The following MORC3 variants were observed in gnomAD, a reference collection of about 807,000 sequenced individuals.
MORC3 encodes the protein MORC family CW-type zinc finger 3.
In MORC3, 31 loss-of-function variants were observed where a neutral mutation model predicts 109.1. The ratio of observed to expected loss-of-function variants is 0.28; its 90% CI spans 0.21 to 0.38. MORC3 has a LOEUF of 0.38. Among genes scored for constraint, MORC3 ranks in the 10% least tolerant of loss-of-function variants. MORC3 has a pLI of 1.00. For missense variants in MORC3, 867 were observed against 1,135.8 expected (o/e 0.76, Z 3.40); for synonymous variants, 395 against 380.7 (o/e 1.04, Z -0.44).
At chr21:36,370,632 TATATA>T (rs1379182343) in intron 15 of MORC3, among the ~76,000 whole-genome samples, 29 of 21,492 alleles carry the variant, frequency 1.3e-3, no homozygotes, top group African/African-American at 4.6e-3. Context: ...TATATATATA[TATATA>T]TATTTTTTTT....
chr21:36,327,881 G>GT (rs1191653810), intron 1 of MORC3, among the ~76,000 whole-genome samples: 208 of 143,864 alleles, frequency 1.4e-3, no homozygotes, highest in Admixed American at 1.5e-3. Context: ...CTCCTTTTTT[G>GT]TTTTTTTTTT....
chr21:36,370,627 ATATATATATATATTTTTTTTTTTTTTT>A (rs2085846485), intron 15 of MORC3, among the ~76,000 whole-genome samples: 1 of 15,390 alleles, frequency 6.5e-5, no homozygotes, highest in African/African-American at 3.2e-4. Context: ...ATATATATAT[ATATATATATATATTTTTTTTTTTTTTT>A]TTTTTTTTTT....
intron 8 of MORC3, 140 bp from the exon 9 acceptor site, chr21:36,349,171 C>CAAATAA (rs536016697): frequency 4.6e-6 from 3 of 651,826 alleles, no homozygotes; most frequent in African/African-American, 3.9e-5. Flanking sequence ...AAAATAAAAA[C>CAAATAA]AAATAAAAAT....
intron 14 of MORC3, among the ~76,000 whole-genome samples, chr21:36,365,795 T>TA (rs1347716964): frequency 6.6e-6 from 1 of 152,158 alleles, no homozygotes; most frequent in Non-Finnish European, 1.5e-5. Flanking sequence ...TTAGCCAGGA[T>TA]AGTCTCGAAC....
At chr21:36,366,915 TAC>T (rs1569108476) in intron 14 of MORC3, among the ~76,000 whole-genome samples, 1 of 152,192 alleles carries the variant, frequency 6.6e-6, no homozygotes, top group African/African-American at 2.4e-5. Flanking sequence ...AAGTACTTGA[TAC>T]AGCAAACCAA....
chr21:36,372,054 C>T (rs772935335), intron 15 of MORC3, among the ~76,000 whole-genome samples: 26 of 152,076 alleles, frequency 1.7e-4, no homozygotes, highest in Non-Finnish European at 3.4e-4. Flanking sequence ...CTCAGGTGAT[C>T]TGCCCACCTC....
At chr21:36,348,848 G>T (rs1193648558) in intron 8 of MORC3, among the ~76,000 whole-genome samples, 3 of 151,576 alleles carry the variant, frequency 2.0e-5, no homozygotes. Context: ...ACCTACCAGT[G>T]TTTTTTTCAG....
rs367571164 is a variant in MORC3 at position 36,345,036 on chromosome 21, G to A, written c.1005+5G>A. On this transcript the variant is annotated splice_donor_5th_base_variant and intron_variant, in intron 8 of 16. Coordinates refer to ENST00000400485, the MANE Select transcript of MORC3 (RefSeq NM_015358.3). ...AAAGTTGGATGTCAGTTAAGGGTAA[G>A]CTTTATTTTTTATTTGAAAAGAAAA... 3.8e-6 allele frequency: 6 copies of A among 1,580,018 alleles called. No homozygotes were observed. In the African/African-American group the frequency reaches 5.5e-5, roughly 15 times the overall value.
At chr21:36,341,278 C>A (rs543252786) in intron 5 of MORC3, 121 bp from the exon 6 acceptor site, 8 of 876,450 alleles carry the variant, frequency 9.1e-6, no homozygotes, top group Admixed American at 6.5e-5. Flanking sequence ...CCCAACCCCC[C>A]ACTGACGTGC....
chr21:36,362,029 TA>T, intron 12 of MORC3, 153 bp from the exon 13 acceptor site: 1 of 817,158 alleles, frequency 1.2e-6, no homozygotes, highest in Non-Finnish European at 2.0e-6. Context: ...GCTACTGAGA[TA>T]AAAGGTAGAA....
rs866107940 is a variant in MORC3 at position 36,333,789 on chromosome 21, G to T, written c.112+71G>T. 5,295 of 935,232 alleles carry T rather than the reference G, an allele frequency of 5.7e-3. 36 individuals carry two copies. Among genetic ancestry groups the T allele is most frequent in the Admixed American group, 8.8e-3 (292 of 33,320 alleles). 57.9% of individuals were successfully genotyped at this position (935,232 alleles called of 1,614,324 possible). A position where few individuals can be genotyped will look rare whatever the true frequency, so the allele number is the denominator to read the frequency against. On this transcript the variant is annotated intron_variant, in intron 2 of 16. Coordinates refer to ENST00000400485, the MANE Select transcript of MORC3 (RefSeq NM_015358.3). Reference sequence around the variant, plus strand: ...AGTGTTTTTTTTTTTGTTTTGTTTTGTTTTTTTTTTTTAAACAGAGTCTCT... The same window carrying T: ...AGTGTTTTTTTTTTTGTTTTGTTTTTTTTTTTTTTTTTAAACAGAGTCTCT...
chr21:36,322,475 ACTT>A (rs1444574510), intron 1 of MORC3, among the ~76,000 whole-genome samples: 2 of 152,124 alleles, frequency 1.3e-5, no homozygotes, highest in South Asian at 2.1e-4. Flanking sequence ...GGATTCAAGC[ACTT>A]CTTCTGCCTC....
chr21:36,337,554 A>G (rs186680893), intron 3 of MORC3, among the ~76,000 whole-genome samples, 178 bp from the exon 4 acceptor site: 8 of 152,244 alleles, frequency 5.3e-5, no homozygotes, highest in Non-Finnish European at 8.8e-5. Context: ...ATCAACAACA[A>G]CAAAAAAGTA....
At chr21:36,331,816 G>A (rs369403359) in intron 1 of MORC3, among the ~76,000 whole-genome samples, 3 of 152,080 alleles carry the variant, frequency 2.0e-5, no homozygotes, top group Non-Finnish European at 2.9e-5. Flanking sequence ...CCTTAGACAA[G>A]TTAAAGTTTT....
chr21:36,349,559 C>T (rs1278937020), intron 9 of MORC3, 151 bp downstream of exon 9: 1 of 469,330 alleles, frequency 2.1e-6, no homozygotes. Flanking sequence ...GGTTACAATT[C>T]CTAGAATGGA....
intron 1 of MORC3, among the ~76,000 whole-genome samples, chr21:36,324,771 G>A (rs2085231140): frequency 7.0e-6 from 1 of 143,122 alleles, no homozygotes; most frequent in South Asian, 2.2e-4. Flanking sequence ...GCAGTGGCAT[G>A]ATCTCAGCTC....
intron 6 of MORC3, among the ~76,000 whole-genome samples, chr21:36,342,040 A>T (rs2085453968): frequency 6.6e-6 from 1 of 152,156 alleles, no homozygotes; most frequent in African/African-American, 2.4e-5. Flanking sequence ...AGCCTGGCCA[A>T]GATGGTCTTG....
chr21:36,320,197 A>G lies in MORC3; in HGVS notation c.-68A>G. 1 of 1,546,160 alleles carries G rather than the reference A, an allele frequency of 6.5e-7. No individual in the cohort carries two copies. Among genetic ancestry groups the G allele is most frequent in the Non-Finnish European group, 8.8e-7 (1 of 1,142,452 alleles). ...AAGTGGGCGGTACCCATAGGGCTCC[A>G]CAGTCGTTCCGCCACCTCCCAGTCG... is the stretch of plus-strand genomic sequence containing the variant. On this transcript the variant is annotated 5_prime_UTR_variant, in exon 1 of 17. Coordinates refer to ENST00000400485, the MANE Select transcript of MORC3 (RefSeq NM_015358.3).
rs777949892 is a variant in MORC3 at position 36,369,147 on chromosome 21, T to C, written c.1779T>C (p.Asp593=). ...NSTPKPAVDH[D]IDMKSEQSHV... ...CCCCCAAACCTGCAGTAGATCATGA[T>C]ATTGACATGAAATCAGAACAGAGTC... The change falls in exon 15 of 17, where the codon GAT becomes GAC. Residue 593 remains aspartate, a synonymous_variant. Transcript: ENST00000400485. 1 of 1,614,126 alleles carries C rather than the reference T, an allele frequency of 6.2e-7. No homozygotes were observed. The highest frequency in any genetic ancestry group is 8.5e-7 in the Non-Finnish European group (1 of 1,180,024).
Sources: gnomAD v4.1 joint callset for allele counts (sites outside exome capture counted in the v4.1 genomes callset) on GRCh38, gnomAD v4.1.1 for gene constraint, MANE v1.5 for transcripts, NCBI Gene and HGNC (gene_info 2026-07-23, HGNC 2026-07-21) for gene names.